ZNF69: variants seen among roughly 807,000 people sequenced by gnomAD.
ZNF69 encodes zinc finger protein 69.
Under a neutral mutation model 50.9 loss-of-function variants are expected in ZNF69, and 47 were observed. The ratio of observed to expected loss-of-function variants is 0.92; its 90% confidence interval spans 0.73 to 1.18. The LOEUF is 1.18. Among genes scored for constraint, ZNF69 ranks in the 50% most tolerant of loss-of-function variants. The pLI, the probability that ZNF69 is intolerant of heterozygous loss-of-function variation, is 0.00. For missense variants in ZNF69, 717 were observed against 675.1 expected (o/e 1.06, Z -0.69); for synonymous variants, 216 against 223.1 (o/e 0.97, Z 0.29).
the ZNF69 span, among the ~76,000 whole-genome samples, chr19:11,921,597 G>A: frequency 3.9e-5 from 6 of 151,968 alleles, no homozygotes; most frequent in Admixed American, 1.3e-4. Flanking sequence ...TCCAACTCCC[G>A]GGTTCAAGCG....
the ZNF69 span, among the ~76,000 whole-genome samples, chr19:11,966,412 C>T: frequency 6.6e-6 from 1 of 152,152 alleles, no homozygotes; most frequent in African/African-American, 2.4e-5. Context: ...CTCCTTCTGT[C>T]GCCCAGGCTG....
chr19:11,975,141 C>A, the ZNF69 span, among the ~76,000 whole-genome samples: 1 of 151,496 alleles, frequency 6.6e-6, no homozygotes, highest in South Asian at 2.1e-4. Flanking sequence ...TGTTGTTGCC[C>A]AGGCTGGAGT....
At chr19:11,920,049 T>C in the ZNF69 span, among the ~76,000 whole-genome samples, 2 of 152,074 alleles carry the variant, frequency 1.3e-5, no homozygotes, top group Non-Finnish European at 2.9e-5. Context: ...CATAGGCAAC[T>C]ACTGGTGATA....
chr19:11,959,618 G>A, the ZNF69 span, among the ~76,000 whole-genome samples: 85 of 152,260 alleles, frequency 5.6e-4, no homozygotes, highest in African/African-American at 2.0e-3. Context: ...GAAGTTGTGG[G>A]TCATGTAATT....
chr19:11,965,265 G>A, the ZNF69 span: 15 of 1,611,870 alleles, frequency 9.3e-6, no homozygotes, highest in South Asian at 1.3e-4. Context: ...CCTGGAACCG[G>A]CCGGAACCGG....
chr19:11,915,772 C>G (rs1972516620), downstream of ZNF69, among the ~76,000 whole-genome samples: 1 of 152,180 alleles, frequency 6.6e-6, no homozygotes, highest in South Asian at 2.1e-4. Context: ...GGTGTAGTGG[C>G]TCACGCCTGT....
chr19:11,894,348 G>A (rs543530389), intron 1 of ZNF69, among the ~76,000 whole-genome samples: 2 of 152,228 alleles, frequency 1.3e-5, no homozygotes, highest in African/African-American at 4.8e-5. Flanking sequence ...CACCATGTTA[G>A]CCAGGATGCT....
the ZNF69 span, chr19:11,961,526 C>T: frequency 6.6e-6 from 1 of 152,232 alleles, no homozygotes; most frequent in African/African-American, 2.4e-5. Flanking sequence ...TCTGCTTTTC[C>T]TCTTGGACCC....
the ZNF69 span, among the ~76,000 whole-genome samples, chr19:11,963,088 AGTGTGT>A: frequency 3.0e-4 from 42 of 138,210 alleles, no homozygotes; most frequent in African/African-American, 6.7e-4. Flanking sequence ...AGAGAGAGAG[AGTGTGT>A]GTGTGTGTGT....
In ZNF69 at chr19:11,895,854, T is replaced by A. The variant is rs1005643256; in HGVS notation, c.64-7719T>A. Among the ~76,000 whole-genome samples, 3 of 152,314 alleles carry A rather than the reference T, an allele frequency of 2.0e-5. No homozygotes were observed. In the South Asian group the frequency reaches 6.2e-4, roughly 32 times the overall value. ...TGTAGATAACCATTTGTCGCTGCTT[T>A]TTCTGTTAAGTGTTCACCACTTGTA... is the stretch of plus-strand genomic sequence containing the variant. On this transcript the variant is annotated intron_variant, in intron 1 of 3. Transcript: ENST00000429654.
the ZNF69 span, chr19:11,978,762 G>A: frequency 1.9e-6 from 3 of 1,613,942 alleles, no homozygotes; most frequent in Non-Finnish European, 2.5e-6. Context: ...AACCCACACT[G>A]GGGGAAAGCC....
At chr19:11,902,556 A>G (rs930037483) in intron 1 of ZNF69, among the ~76,000 whole-genome samples, 1 of 151,516 alleles carries the variant, frequency 6.6e-6, no homozygotes, top group Non-Finnish European at 1.5e-5. Flanking sequence ...TTCTGACAGG[A>G]TAACTGCAAA....
chr19:11,907,012 C>T (rs1273420069), downstream of ZNF69, among the ~76,000 whole-genome samples: 5 of 151,944 alleles, frequency 3.3e-5, no homozygotes, highest in Non-Finnish European at 4.4e-5. Flanking sequence ...AACCATGGCA[C>T]GAGAACTATG....
the ZNF69 span, among the ~76,000 whole-genome samples, chr19:11,921,675 G>A: frequency 4.6e-5 from 7 of 152,034 alleles, no homozygotes; most frequent in East Asian, 1.4e-3. Flanking sequence ...GCTAATTTTT[G>A]TATTTTTAGT....
At chr19:11,963,088 A>AGAGAGAGAGAGAGTGTGTGTGTGTGTGT in the ZNF69 span, among the ~76,000 whole-genome samples, 1 of 138,248 alleles carries the variant, frequency 7.2e-6, no homozygotes. Flanking sequence ...AGAGAGAGAG[A>AGAGAGAGAGAGAGTGTGTGTGTGTGTGT]GTGTGTGTGT....
chr19:11,967,999 T>A, the ZNF69 span, among the ~76,000 whole-genome samples: 6 of 152,228 alleles, frequency 3.9e-5, no homozygotes, highest in Admixed American at 6.5e-5. Flanking sequence ...TATTGGGACA[T>A]CCGGATGTTC....
chr19:11,916,257 C>A (rs1599269329), downstream of ZNF69, among the ~76,000 whole-genome samples: 1 of 152,204 alleles, frequency 6.6e-6, no homozygotes, highest in Admixed American at 6.5e-5. Context: ...AAATAAATAT[C>A]TTAAAAGATA....
chr19:11,948,087 TA>T, the ZNF69 span, among the ~76,000 whole-genome samples: 3 of 152,196 alleles, frequency 2.0e-5, no homozygotes, highest in African/African-American at 7.2e-5. Flanking sequence ...CCCTTATGAA[TA>T]TTTTTTTAAA....
chr19:11,907,299 A>G (rs1972392768), downstream of ZNF69, among the ~76,000 whole-genome samples: 1 of 152,224 alleles, frequency 6.6e-6, no homozygotes. Flanking sequence ...GCAGACCAAC[A>G]TTCAAATTCA....
Sources: gnomAD v4.1 joint callset for allele counts (sites outside exome capture counted in the v4.1 genomes callset) on GRCh38, gnomAD v4.1.1 for gene constraint, MANE v1.5 for transcripts, NCBI Gene and HGNC (gene_info 2026-07-23, HGNC 2026-07-21) for gene names.